PRKD1: variants seen among roughly 807,000 people sequenced by gnomAD.
The protein encoded by PRKD1 is serine/threonine-protein kinase D1.
Under a neutral mutation model 95.9 loss-of-function variants are expected in PRKD1, and 63 were observed. The ratio of observed to expected loss-of-function variants is 0.66; its 90% CI spans 0.54 to 0.81. The LOEUF (loss-of-function observed/expected upper bound fraction) is 0.81. PRKD1 is among the 30% of genes least tolerant of loss of function. PRKD1 has a pLI of 0.00. For missense variants in PRKD1, 1,048 were observed against 1,165.3 expected, an observed-to-expected ratio of 0.90 and a Z score of 1.47; for synonymous variants, 425 against 423.1, an observed-to-expected ratio of 1.00 and a Z score of -0.05.
At chr14:29,872,562 A>G (rs1594592597) in intron 1 of PRKD1, among the ~76,000 whole-genome samples, 1 of 151,884 alleles carries the variant, frequency 6.6e-6, no homozygotes, top group East Asian at 2.0e-4. Flanking sequence ...TGAGACAGAC[A>G]GGAGAAGTGC....
At chr14:29,764,001 G>A (rs1888145044) in intron 1 of PRKD1, among the ~76,000 whole-genome samples, 1 of 151,930 alleles carries the variant, frequency 6.6e-6, no homozygotes, top group South Asian at 2.1e-4. Context: ...TTATTTCTTT[G>A]TGCATGTACA....
chr14:29,637,176 A>T (rs1315533268), intron 6 of PRKD1, among the ~76,000 whole-genome samples: 1 of 152,190 alleles, frequency 6.6e-6, no homozygotes, highest in Non-Finnish European at 1.5e-5. Flanking sequence ...GGGAAAAAAA[A>T]GTATGTAAGA....
At chr14:29,693,645 C>CA (rs1435897327) in intron 2 of PRKD1, among the ~76,000 whole-genome samples, 3 of 97,814 alleles carry the variant, frequency 3.1e-5, no homozygotes, top group African/African-American at 1.5e-4. Context: ...AAAAAAACAA[C>CA]AACAACAAAA....
chr14:29,850,563 C>T (rs893954049), intron 1 of PRKD1, among the ~76,000 whole-genome samples: 3 of 151,728 alleles, frequency 2.0e-5, no homozygotes, highest in African/African-American at 7.3e-5. Flanking sequence ...CAAAACATTG[C>T]TGAAAGAAAT....
At chr14:29,609,353 T>A (rs531642626) in intron 13 of PRKD1, among the ~76,000 whole-genome samples, 12 of 152,110 alleles carry the variant, frequency 7.9e-5, no homozygotes, top group Non-Finnish European at 1.3e-4. Flanking sequence ...GCACAATGCA[T>A]GATTACAATT....
intron 1 of PRKD1, among the ~76,000 whole-genome samples, chr14:29,885,302 T>A (rs936931789): frequency 1.3e-5 from 2 of 152,008 alleles, no homozygotes; most frequent in Non-Finnish European, 2.9e-5. Context: ...CCTGAGAAAA[T>A]AAAATGTATA....
intron 4 of PRKD1, among the ~76,000 whole-genome samples, chr14:29,650,097 G>A (rs118153985): frequency 0.03 from 4,606 of 151,976 alleles, 102 homozygotes; most frequent in Non-Finnish European, 0.044. Flanking sequence ...AGCCACTCTC[G>A]CCACCTCCGG....
intron 2 of PRKD1, among the ~76,000 whole-genome samples, chr14:29,680,978 A>C (rs1883508722): frequency 6.6e-6 from 1 of 152,224 alleles, no homozygotes; most frequent in Non-Finnish European, 1.5e-5. Flanking sequence ...GTGGCCTAAG[A>C]AAACACTTCT....
intron 1 of PRKD1, among the ~76,000 whole-genome samples, chr14:29,829,436 T>C (rs1217811493): frequency 6.6e-6 from 1 of 152,228 alleles, no homozygotes; most frequent in East Asian, 1.9e-4. Context: ...ATTAACTGTC[T>C]CTTATTTAGG....
Position 29,629,811 on chromosome 14 carries a change from T to G in PRKD1, c.1673-718A>C, listed in dbSNP as rs1299743226. Among the ~76,000 whole-genome samples the G allele has an allele frequency of 2.6e-5, 4 of 152,140 alleles. No individual in the cohort carries two copies. In the East Asian group the frequency reaches 7.7e-4, roughly 29 times the overall value. ...AGTGATCAAGAATTACCAATTACCATGTACTCTGCACGTCAATACCCTGCA... is the reference window on the plus strand; with the variant it reads ...AGTGATCAAGAATTACCAATTACCAGGTACTCTGCACGTCAATACCCTGCA... On this transcript the variant is annotated intron_variant, in intron 10 of 17. Coordinates refer to ENST00000331968, the MANE Select transcript of PRKD1 (RefSeq NM_002742.3).
rs529734595 is a variant in PRKD1, at chr14:29,724,721, A to G, written c.403+815T>C. 4.6e-5 allele frequency among the ~76,000 whole-genome samples: 7 copies of G among 152,304 alleles called. No homozygotes were observed. In the East Asian group the frequency reaches 1.4e-3, roughly 29 times the overall value. On this transcript the variant is annotated intron_variant, in intron 2 of 17. Coordinates refer to ENST00000331968, the MANE Select transcript of PRKD1 (RefSeq NM_002742.3). ...AATGCTGCTGGACTTCTTTTATTCA[A>G]AGAGATGGTAAACAAAGAAGGCATG...
Position 29,632,696 on chromosome 14 carries a change from C to T in PRKD1, c.1392+173G>A, listed in dbSNP as rs565066838. On this transcript the variant is annotated intron_variant, in intron 9 of 17. Transcript: ENST00000331968. ...AAATTCACAGAAGAATCAAGAGGTC[C>T]CAACCTGAATCCCAAGAAATTTGTA... Among the ~76,000 whole-genome samples, 10 of 152,076 alleles carry T rather than the reference C, an allele frequency of 6.6e-5. No homozygotes were observed. In the South Asian group the frequency reaches 1.7e-3, roughly 25 times the overall value.
chr14:29,636,746 C>T (rs1256115312), intron 6 of PRKD1, among the ~76,000 whole-genome samples: 4 of 152,016 alleles, frequency 2.6e-5, no homozygotes, highest in East Asian at 1.9e-4. Context: ...GCCTGGTACC[C>T]ATTAGTTATT....
chr14:29,707,856 C>T (rs1885163018), intron 2 of PRKD1, among the ~76,000 whole-genome samples: 1 of 152,084 alleles, frequency 6.6e-6, no homozygotes, highest in South Asian at 2.1e-4. Flanking sequence ...ATTCTTTATT[C>T]ATCATCATAA....
chr14:29,850,142 T>C (rs1892248971), intron 1 of PRKD1, among the ~76,000 whole-genome samples: 1 of 151,896 alleles, frequency 6.6e-6, no homozygotes, highest in Admixed American at 6.6e-5. Context: ...AACTGGAACA[T>C]GACAAAGATG....
rs530035746 is a variant in PRKD1 at position 29,576,619 on chromosome 14, C to T, written c.*619G>A. ...TATATGGCAGTTTACATTTCTAAGG[C>T]ATTTAGGCTTAAGAGCACTAGGTCT... On this transcript the variant is annotated 3_prime_UTR_variant, in exon 18 of 18. Coordinates refer to ENST00000331968, the MANE Select transcript of PRKD1 (RefSeq NM_002742.3). 6.4e-4 allele frequency: 100 copies of T among 155,674 alleles called. No individual in the cohort carries two copies. The highest frequency in any genetic ancestry group is 1.1e-3 in the Admixed American group (17 of 15,994). The allele number at this position is 155,674 out of a possible 1,614,324, so 9.6% of individuals were successfully genotyped here. A position where few individuals can be genotyped will look rare whatever the true frequency, so the allele number is the denominator to read the frequency against.
At chr14:29,720,733 T>C (rs930498410) in intron 2 of PRKD1, among the ~76,000 whole-genome samples, 2 of 151,664 alleles carry the variant, frequency 1.3e-5, no homozygotes, top group African/African-American at 2.4e-5. Context: ...TGAGCCAAGA[T>C]TGAGCCACTG....
rs367955415 is a variant in PRKD1, at chr14:29,632,966, C to G, written c.1315-20G>C. On this transcript the variant is annotated intron_variant, in intron 8 of 17. Transcript: ENST00000331968. ...TTTCCGCTGAAACAGAAGTTAGATC[C>G]AAGATCTTTTTAAAAAACTTTAAAA... is the stretch of plus-strand genomic sequence containing the variant. The G allele has an allele frequency of 4.4e-6, 7 of 1,597,798 alleles. No individual in the cohort carries two copies. Among genetic ancestry groups the G allele is most frequent in the Non-Finnish European group, 2.6e-6 (3 of 1,165,632 alleles).
chr14:29,888,073 A>C (rs994494960), intron 1 of PRKD1, among the ~76,000 whole-genome samples: 8 of 152,122 alleles, frequency 5.3e-5, no homozygotes, highest in African/African-American at 1.7e-4. Flanking sequence ...GGTTGAGGTA[A>C]GAGGATCACT....
Sources: gnomAD v4.1 joint callset for allele counts (sites outside exome capture counted in the v4.1 genomes callset) on GRCh38, gnomAD v4.1.1 for gene constraint, MANE v1.5 for transcripts, NCBI Gene and HGNC (gene_info 2026-07-23, HGNC 2026-07-21) for gene names.